The following ANKFN1 variants were observed in gnomAD, a reference collection of about 807,000 sequenced individuals.
ANKFN1 encodes the protein ankyrin repeat and fibronectin type-III domain-containing protein 1.
ANKFN1 carries 74 observed loss-of-function variants against 108.7 expected under a neutral mutation model. That is an observed-to-expected ratio of 0.68 (90% CI 0.56 to 0.83). The LOEUF is 0.83. Ranked by LOEUF, ANKFN1 falls within the 40% of genes least tolerant of loss-of-function variation. ANKFN1 has a pLI of 0.00. For missense variants in ANKFN1, 1,505 were observed against 1,382.3 expected (o/e 1.09, Z -1.41); for synonymous variants, 547 against 516.2 (o/e 1.06, Z -0.81).
intron 4 of ANKFN1, among the ~76,000 whole-genome samples, chr17:56,138,483 G>A (rs907411810): frequency 2.0e-5 from 3 of 151,454 alleles, no homozygotes; most frequent in African/African-American, 4.8e-5. Flanking sequence ...CAGATAGTAG[G>A]AAGAAAACTC....
At position 56,294,543 on chromosome 17, in the gene ANKFN1, G is replaced by T. The variant is rs548462518; in HGVS notation, c.54-31678G>T. On this transcript the variant is annotated intron_variant, in intron 3 of 20. Transcript: ENST00000682825. ...GCTTTCTCCATCCTAAGCAGAGGGA[G>T]TAGAGGTTTGAGAATTTGATTGTTT... Among the ~76,000 whole-genome samples the T allele has an allele frequency of 1.6e-4, 24 of 152,348 alleles. No homozygotes were observed. The East Asian group carries it at 4.2e-3, about 27-fold the overall frequency.
chr17:56,131,712 A>C (rs1354741114), intron 4 of ANKFN1, among the ~76,000 whole-genome samples: 3 of 152,172 alleles, frequency 2.0e-5, no homozygotes, highest in Non-Finnish European at 4.4e-5. Flanking sequence ...ATTTAAAATT[A>C]TGTGGGAATC....
intron 1 of ANKFN1, among the ~76,000 whole-genome samples, chr17:56,198,530 C>T (rs1913729156): frequency 6.6e-6 from 1 of 152,162 alleles, no homozygotes; most frequent in African/African-American, 2.4e-5. Context: ...GACCACCCAC[C>T]AACAGGTACC....
At chr17:56,215,779 T>C (rs926232933) in intron 2 of ANKFN1, 1 of 152,298 alleles carries the variant, frequency 6.6e-6, no homozygotes, top group Admixed American at 6.5e-5. Flanking sequence ...GCACCATTTT[T>C]TCATTTTTTC....
chr17:56,107,843 C>T (rs946126483), intron 4 of ANKFN1, among the ~76,000 whole-genome samples: 2 of 152,092 alleles, frequency 1.3e-5, no homozygotes, highest in Non-Finnish European at 2.9e-5. Context: ...TCCTATAGCA[C>T]CTTTTTTAAA....
At chr17:56,108,823 GCTTTATA>G (rs1301123491) in intron 4 of ANKFN1, among the ~76,000 whole-genome samples, 3 of 152,202 alleles carry the variant, frequency 2.0e-5, no homozygotes. Context: ...ATACCATCTT[GCTTTATA>G]AGCTGAACCT....
chr17:56,326,285 G>A lies in ANKFN1; in HGVS notation c.118G>A (p.Asp40Asn). The change falls in exon 4 of 21, where the codon GAT (aspartate) becomes AAT (asparagine). Residue 40 changes from aspartate (D) to asparagine (N), a missense_variant. Asp to Asn is a conservative substitution (Grantham distance 23). Transcript: ENST00000682825. ...CCACAGGAGAAAGCAAAGCCAATGTGATTTATTGAATGAAAGCACTGGACA... is the reference window on the plus strand; with the variant it reads ...CCACAGGAGAAAGCAAAGCCAATGTAATTTATTGAATGAAAGCACTGGACA... ...LSHRRKQSQC[D>N]LLNESTGQLP... 1 of 1,613,984 alleles carries A rather than the reference G, an allele frequency of 6.2e-7. No individual in the cohort carries two copies. The highest frequency in any genetic ancestry group is 8.5e-7 in the Non-Finnish European group (1 of 1,179,898).
intron 10 of ANKFN1, among the ~76,000 whole-genome samples, chr17:56,448,738 A>G (rs367850145): frequency 9.9e-5 from 15 of 152,152 alleles, no homozygotes; most frequent in East Asian, 7.7e-4. Flanking sequence ...GAGAGATGGC[A>G]GAGGAACTGG....
chr17:56,303,851 A>ATTTTTTTTTTTTTTTTTTT, intron 3 of ANKFN1, among the ~76,000 whole-genome samples: 1 of 131,920 alleles, frequency 7.6e-6, no homozygotes, highest in Non-Finnish European at 1.6e-5. Flanking sequence ...CGCTGAGCCA[A>ATTTTTTTTTTTTTTTTTTT]TTTTTTTTTT....
chr17:56,203,451 T>A (rs1282049853), intron 1 of ANKFN1, among the ~76,000 whole-genome samples: 1 of 152,232 alleles, frequency 6.6e-6, no homozygotes, highest in Non-Finnish European at 1.5e-5. Flanking sequence ...TATTCATTCC[T>A]GATCTCTAGG....
At chr17:56,175,880 A>G (rs1911098352) in intron 1 of ANKFN1, among the ~76,000 whole-genome samples, 1 of 133,650 alleles carries the variant, frequency 7.5e-6, no homozygotes, top group Non-Finnish European at 1.6e-5. Flanking sequence ...TCCACACTTC[A>G]GACGGTTTGA....
intron 3 of ANKFN1, among the ~76,000 whole-genome samples, chr17:56,308,237 TAAA>T (rs35895470): frequency 0.12 from 17,730 of 141,864 alleles, 1,164 homozygotes; most frequent in African/African-American, 0.21. Context: ...TAAAGTATAA[TAAA>T]AAAAAAAAAG....
intron 3 of ANKFN1, among the ~76,000 whole-genome samples, chr17:56,287,015 T>A (rs1362830514): frequency 6.6e-6 from 1 of 152,158 alleles, no homozygotes. Flanking sequence ...GGGGCGAGGC[T>A]TCTCTAATCA....
At chr17:56,326,183 C>A (rs2045509991) in intron 3 of ANKFN1, 38 bp from the exon 4 acceptor site, 1 of 1,587,220 alleles carries the variant, frequency 6.3e-7, no homozygotes, top group East Asian at 2.3e-5. Flanking sequence ...TCGGCTCTTG[C>A]CTGTAGTGAT....
intron 1 of ANKFN1, among the ~76,000 whole-genome samples, chr17:56,201,381 C>T (rs1184936072): frequency 6.6e-6 from 1 of 152,180 alleles, no homozygotes; most frequent in African/African-American, 2.4e-5. Flanking sequence ...AAGTAGACTG[C>T]CTTATTGTAC....
chr17:56,286,586 G>T lies in ANKFN1; in HGVS notation c.54-39635G>T, dbSNP rs145722600. Among the ~76,000 whole-genome samples the T allele has an allele frequency of 1.5e-3, 232 of 152,212 alleles. 1 individual carries two copies. The highest frequency in any genetic ancestry group is 5.3e-3 in the African/African-American group (221 of 41,524). On this transcript the variant is annotated intron_variant, in intron 3 of 20. Coordinates refer to ENST00000682825, the MANE Select transcript of ANKFN1 (RefSeq NM_001370326.1). ...TACATGGCCTCTCCATGTGACTGGG[G>T]CTTCCTTACAACATGGCGGCAGGAC...
At chr17:56,310,604 G>A (rs561478118) in intron 3 of ANKFN1, among the ~76,000 whole-genome samples, 70 of 148,826 alleles carry the variant, frequency 4.7e-4, no homozygotes, top group African/African-American at 1.7e-3. Flanking sequence ...GCAACAGAGT[G>A]AGACTCCATC....
chr17:56,344,806 T>A (rs1037818517), intron 4 of ANKFN1, among the ~76,000 whole-genome samples: 2 of 151,992 alleles, frequency 1.3e-5, no homozygotes, highest in Non-Finnish European at 2.9e-5. Context: ...AAGAGGCATT[T>A]TAAAGGAGCT....
chr17:56,115,980 C>T (rs1416350211), intron 4 of ANKFN1, among the ~76,000 whole-genome samples: 1 of 152,110 alleles, frequency 6.6e-6, no homozygotes, highest in Non-Finnish European at 1.5e-5. Flanking sequence ...TTCCATTTCC[C>T]AAATATGCAT....
Sources: allele counts gnomAD v4.1 joint callset (sites outside exome capture counted in the v4.1 genomes callset), GRCh38; gene constraint gnomAD v4.1.1; transcripts MANE v1.5; gene names NCBI Gene and HGNC (gene_info 2026-07-23, HGNC 2026-07-21).